The following PRKN variants were observed in gnomAD, a reference collection of about 807,000 sequenced individuals.
PRKN encodes E3 ubiquitin-protein ligase parkin.
Under a neutral mutation model 59.5 loss-of-function variants are expected in PRKN, and 56 were observed. That is an observed-to-expected ratio of 0.94 (90% CI 0.76 to 1.18). The LOEUF is 1.18. PRKN is among the 50% of genes most tolerant of loss of function. The pLI, the probability that PRKN is intolerant of heterozygous loss-of-function variation, is 0.00. For missense variants in PRKN, 657 were observed against 596.4 expected (o/e 1.10, Z -1.06); for synonymous variants, 250 against 222.1 (o/e 1.13, Z -1.12).
At chr6:162,569,491 G>A in intron 1 of PRKN, 3 of 691,348 alleles carry the variant, frequency 4.3e-6, no homozygotes, top group East Asian at 2.7e-5. Context: ...TGGAGTCTGG[G>A]ATGCAGAACA....
chr6:161,655,576 G>A (rs2128163507), intron 7 of PRKN, among the ~76,000 whole-genome samples: 1 of 152,310 alleles, frequency 6.6e-6, no homozygotes, highest in East Asian at 1.9e-4. Context: ...CTCCATCTGG[G>A]GCTAAGCTTT....
chr6:161,412,474 CCACT>C (rs761310029), intron 9 of PRKN, among the ~76,000 whole-genome samples: 1 of 147,386 alleles, frequency 6.8e-6, no homozygotes, highest in African/African-American at 2.5e-5. Flanking sequence ...ACGCATTCCT[CCACT>C]CACTCATTCC....
At position 161,633,880 on chromosome 6, in the gene PRKN, T is replaced by C. The variant is rs79835841; in HGVS notation, c.872-64464A>G. ...ACAGTATGAGAATGGGAGGGGCCTCTGTCCAAAATGTCTCCTGTCAGACGA... is the reference window on the plus strand; with the variant it reads ...ACAGTATGAGAATGGGAGGGGCCTCCGTCCAAAATGTCTCCTGTCAGACGA... On this transcript the variant is annotated intron_variant, in intron 7 of 11. Transcript: ENST00000366898. 3.1e-3 allele frequency among the ~76,000 whole-genome samples: 470 copies of C among 152,228 alleles called. 12 individuals carry two copies. In the East Asian group the frequency reaches 0.057, roughly 18 times the overall value.
chr6:161,848,601 T>C (rs1316219959), intron 6 of PRKN, among the ~76,000 whole-genome samples: 2 of 152,202 alleles, frequency 1.3e-5, no homozygotes, highest in Non-Finnish European at 2.9e-5. Context: ...ATGTCTTACA[T>C]CTAATGCGTG....
chr6:162,558,862 A>T (rs1021458609), intron 1 of PRKN, among the ~76,000 whole-genome samples: 2 of 151,314 alleles, frequency 1.3e-5, no homozygotes, highest in African/African-American at 2.4e-5. Context: ...GGCTGGTCTC[A>T]AGTTCCGGAG....
intron 6 of PRKN, among the ~76,000 whole-genome samples, chr6:161,841,977 T>C (rs576754393): frequency 1.3e-5 from 2 of 152,198 alleles, no homozygotes; most frequent in South Asian, 2.1e-4. Context: ...CCCATTGCAG[T>C]AATCCCCTCC....
chr6:161,425,430 C>G (rs118140016), intron 9 of PRKN, among the ~76,000 whole-genome samples: 176 of 152,250 alleles, frequency 1.2e-3, no homozygotes, highest in South Asian at 1.7e-3. Flanking sequence ...TACCAGCAAC[C>G]CTTCAGAAAG....
At position 161,576,676 on chromosome 6, in the gene PRKN, G is replaced by A. The variant is rs1583250270; in HGVS notation, c.872-7260C>T. ...ACAATAAAAATAAACTAATAAGTAGGTAAATGAAGTAACATTTTGGATGGT... is the reference window on the plus strand; with the variant it reads ...ACAATAAAAATAAACTAATAAGTAGATAAATGAAGTAACATTTTGGATGGT... On this transcript the variant is annotated intron_variant, in intron 7 of 11. Coordinates refer to ENST00000366898, the MANE Select transcript of PRKN (RefSeq NM_004562.3). This position sits in a 1 kb window ranked among gnomAD's most constrained non-coding sequence, Gnocchi z 4.6. 6.6e-6 allele frequency among the ~76,000 whole-genome samples: 1 copy of A among 152,162 alleles called. No individual in the cohort carries two copies. Among genetic ancestry groups the A allele is most frequent in the African/African-American group, 2.4e-5 (1 of 41,440 alleles).
intron 7 of PRKN, among the ~76,000 whole-genome samples, chr6:161,750,118 T>TATATATACACACAC (rs1269147499): frequency 5.8e-5 from 8 of 137,740 alleles, no homozygotes; most frequent in African/African-American, 2.1e-4. Context: ...TATATATATA[T>TATATATACACACAC]ACACACACAC....
intron 6 of PRKN, among the ~76,000 whole-genome samples, chr6:161,905,431 CT>C (rs1778104697): frequency 6.6e-6 from 1 of 152,048 alleles, no homozygotes; most frequent in Non-Finnish European, 1.5e-5. Flanking sequence ...CTGGTGTAGA[CT>C]TTTGCTTTTC....
intron 1 of PRKN, among the ~76,000 whole-genome samples, chr6:162,579,614 GAT>G (rs1780704057): frequency 6.7e-6 from 1 of 149,512 alleles, no homozygotes; most frequent in African/African-American, 2.5e-5. Context: ...CACACACACA[GAT>G]ACACACATAC....
At position 161,444,447 on chromosome 6, in the gene PRKN, C is replaced by T. The variant is rs192365122; in HGVS notation, c.1084-57570G>A. 3.9e-5 allele frequency among the ~76,000 whole-genome samples: 6 copies of T among 152,288 alleles called. No individual in the cohort carries two copies. Among genetic ancestry groups the T allele is most frequent in the South Asian group, 2.1e-4 (1 of 4,820 alleles). Reference sequence around the variant, plus strand: ...GTCATTAGATCTCATGAATTTACTCCGGCATTTCCATTTCCATGCATGCTT... The same window carrying T: ...GTCATTAGATCTCATGAATTTACTCTGGCATTTCCATTTCCATGCATGCTT... On this transcript the variant is annotated intron_variant, in intron 9 of 11. Transcript: ENST00000366898. This position sits in a 1 kb window ranked among gnomAD's most constrained non-coding sequence, Gnocchi z 5.6.
At chr6:162,032,856 C>T (rs2128279645) in intron 5 of PRKN, among the ~76,000 whole-genome samples, 1 of 152,260 alleles carries the variant, frequency 6.6e-6, no homozygotes, top group Admixed American at 6.5e-5. Context: ...ACCCAATGCT[C>T]CCACATGCAA....
At chr6:161,924,983 T>C (rs1235747778) in intron 6 of PRKN, among the ~76,000 whole-genome samples, 1 of 152,200 alleles carries the variant, frequency 6.6e-6, no homozygotes, top group East Asian at 1.9e-4. Flanking sequence ...TCACCTGGCA[T>C]CACTGTTGAG....
At chr6:161,818,209 G>A (rs903024439) in intron 6 of PRKN, among the ~76,000 whole-genome samples, 2 of 152,074 alleles carry the variant, frequency 1.3e-5, no homozygotes, top group African/African-American at 2.4e-5. Context: ...ACACATAGGT[G>A]GAAACTCAAA....
intron 6 of PRKN, among the ~76,000 whole-genome samples, chr6:161,889,011 TG>T (rs556255732): frequency 2.4e-4 from 36 of 152,298 alleles, no homozygotes; most frequent in Middle Eastern, 3.4e-3. Flanking sequence ...CTAATTTAAA[TG>T]TAATTTAAAC....
chr6:162,062,311 A>G (rs1302877995), intron 4 of PRKN, among the ~76,000 whole-genome samples: 2 of 152,222 alleles, frequency 1.3e-5, no homozygotes, highest in Non-Finnish European at 2.9e-5. Context: ...GAAAGAAGCC[A>G]AACATGGAAT....
rs945767090 is a variant in PRKN at position 161,359,725 on chromosome 6, C to T, written c.1285+363G>A. Among the ~76,000 whole-genome samples the T allele has an allele frequency of 4.6e-5, 7 of 152,228 alleles. No homozygotes were observed. Among genetic ancestry groups the T allele is most frequent in the East Asian group, 1.9e-4 (1 of 5,184 alleles). ...ACGGCCGGCAGACAACAGGGTCATACGGTGCAGCCATCAGCGCTGGGGAAG... is the reference window on the plus strand; with the variant it reads ...ACGGCCGGCAGACAACAGGGTCATATGGTGCAGCCATCAGCGCTGGGGAAG... On this transcript the variant is annotated intron_variant, in intron 11 of 11. Transcript: ENST00000366898. The surrounding 1 kb of genome is among the most constrained non-coding windows in gnomAD (Gnocchi z 5.4).
rs1284841357 is a variant in PRKN at position 162,118,149 on chromosome 6, C to T, written c.535-63975G>A. On this transcript the variant is annotated intron_variant, in intron 4 of 11. Transcript: ENST00000366898. ...TGATTGGGCCGGGCGCAGTGGCTCA[C>T]GCCTGTAATGCCAGCACTTTGGGAG... is the stretch of plus-strand genomic sequence containing the variant. Among the ~76,000 whole-genome samples the T allele has an allele frequency of 2.0e-5, 3 of 151,594 alleles. 1 individual carries two copies. The highest frequency in any genetic ancestry group is 4.4e-5 in the Non-Finnish European group (3 of 67,936).
Sources: gnomAD v4.1 joint callset for allele counts (sites outside exome capture counted in the v4.1 genomes callset) on GRCh38, gnomAD v4.1.1 for gene constraint, Gnocchi (gnomAD v3.1) non-coding constraint, MANE v1.5 for transcripts, NCBI Gene and HGNC (gene_info 2026-07-23, HGNC 2026-07-21) for gene names.